Variants in DLGAP2 observed in about 807,000 individuals in gnomAD.
DLGAP2 encodes DLG associated protein 2.
Under a neutral mutation model 100.3 loss-of-function variants are expected in DLGAP2, and 26 were observed. The observed-to-expected ratio is 0.26, with a 90% CI of 0.19 to 0.36. The LOEUF is 0.36. DLGAP2 is among the 10% of genes least tolerant of loss of function. The pLI is 1.00. For synonymous variants in DLGAP2, 886 were observed against 630.1 expected, an observed-to-expected ratio of 1.41 and a Z score of -6.08; for missense variants, 1,858 against 1,453.2, an observed-to-expected ratio of 1.28 and a Z score of -4.53.
At chr8:1,213,323 T>G (rs900891309) in intron 2 of DLGAP2, among the ~76,000 whole-genome samples, 5 of 152,312 alleles carry the variant, frequency 3.3e-5, no homozygotes, top group African/African-American at 9.6e-5. Flanking sequence ...CTAAAAGTTT[T>G]GATCGAGTTT....
chr8:1,298,875 A>G (rs1016693130), intron 3 of DLGAP2, among the ~76,000 whole-genome samples: 3 of 152,156 alleles, frequency 2.0e-5, no homozygotes, highest in South Asian at 2.1e-4. Context: ...CCCATGGGCA[A>G]TAACACAGGC....
chr8:900,350 G>A (rs1458608993), intron 1 of DLGAP2, among the ~76,000 whole-genome samples: 6 of 150,902 alleles, frequency 4.0e-5, no homozygotes, highest in East Asian at 2.0e-4. Flanking sequence ...GACGGTGGGC[G>A]CCCTCCTCTT....
chr8:1,191,767 A>G (rs1401921034), intron 2 of DLGAP2, among the ~76,000 whole-genome samples: 4 of 152,194 alleles, frequency 2.6e-5, no homozygotes, highest in Non-Finnish European at 2.9e-5. Context: ...TCCTTCTTCC[A>G]GGGGTCCTTT....
intron 2 of DLGAP2, among the ~76,000 whole-genome samples, chr8:1,024,416 CG>C (rs1219629090): frequency 1.8e-4 from 28 of 152,022 alleles, no homozygotes; most frequent in South Asian, 6.2e-4. Flanking sequence ...AGTCCCGTGC[CG>C]AGGCAGACAC....
intron 4 of DLGAP2, among the ~76,000 whole-genome samples, chr8:1,538,345 A>G (rs1334305873): frequency 6.6e-6 from 1 of 152,154 alleles, no homozygotes; most frequent in African/African-American, 2.4e-5. Context: ...CCCCAATTTC[A>G]TTATGCCCCC....
At chr8:1,166,032 C>T (rs866557127) in intron 2 of DLGAP2, among the ~76,000 whole-genome samples, 13 of 152,138 alleles carry the variant, frequency 8.5e-5, no homozygotes, top group African/African-American at 1.4e-4. Context: ...AATAATCTCC[C>T]GTCAGTAACC....
At chr8:1,639,784 C>T (rs898424436) in intron 8 of DLGAP2, among the ~76,000 whole-genome samples, 4 of 152,324 alleles carry the variant, frequency 2.6e-5, no homozygotes, top group African/African-American at 9.6e-5. Flanking sequence ...GAGTTCTCTG[C>T]CGTCCTTGGC....
At chr8:790,115 G>A (rs971372757) in intron 1 of DLGAP2, among the ~76,000 whole-genome samples, 1 of 152,176 alleles carries the variant, frequency 6.6e-6, no homozygotes, top group African/African-American at 2.4e-5. Context: ...AAGAATTTGA[G>A]GAGAAAAGGT....
At chr8:978,649 G>C (rs1800236482) in intron 2 of DLGAP2, among the ~76,000 whole-genome samples, 1 of 150,760 alleles carries the variant, frequency 6.6e-6, no homozygotes, top group African/African-American at 2.4e-5. Flanking sequence ...GCAGTGAGAG[G>C]GTGGGTTCTG....
At position 1,549,257 on chromosome 8, in the gene DLGAP2, C is replaced by G. The variant is rs537073910; in HGVS notation, c.804C>G (p.His268Gln). Residue 268 changes from histidine (H) to glutamine (Q), a missense_variant, in exon 5 of 15, where the codon CAC becomes CAG. By Grantham distance (24) the His-to-Gln change is conservative. Transcript: ENST00000637795. The part of the protein sequence containing the change: ...KADGRADDHH[H>Q]AHHAKHSKRS... ...ACGGCCGGGCGGACGACCACCACCA[C>G]GCCCACCACGCCAAGCACAGCAAGA... 1 of 1,610,160 alleles carries G rather than the reference C, an allele frequency of 6.2e-7. No homozygotes were observed. Among genetic ancestry groups the G allele is most frequent in the African/African-American group, 1.3e-5 (1 of 75,032 alleles).
At chr8:1,143,698 G>A (rs904202728) in intron 2 of DLGAP2, among the ~76,000 whole-genome samples, 2 of 152,130 alleles carry the variant, frequency 1.3e-5, no homozygotes, top group South Asian at 2.1e-4. Context: ...GATGCTACAC[G>A]CTGGCCACCC....
intron 1 of DLGAP2, among the ~76,000 whole-genome samples, chr8:870,696 A>T (rs954532060): frequency 6.6e-6 from 1 of 151,880 alleles, no homozygotes; most frequent in Non-Finnish European, 1.5e-5. Flanking sequence ...TCTTGGTGAG[A>T]GATTTCCAGA....
intron 3 of DLGAP2, among the ~76,000 whole-genome samples, chr8:1,267,115 C>A (rs962880258): frequency 3.3e-5 from 5 of 151,582 alleles, no homozygotes; most frequent in African/African-American, 1.2e-4. Flanking sequence ...GCCTGTAGTC[C>A]CAGCTACCCC....
At chr8:1,435,776 A>G (rs2130026796) in intron 3 of DLGAP2, among the ~76,000 whole-genome samples, 1 of 152,060 alleles carries the variant, frequency 6.6e-6, no homozygotes, top group South Asian at 2.1e-4. Flanking sequence ...TAACAGTGGG[A>G]CAGGAAGTGA....
At chr8:958,480 G>A (rs1799646021) in intron 2 of DLGAP2, among the ~76,000 whole-genome samples, 1 of 150,674 alleles carries the variant, frequency 6.6e-6, no homozygotes, top group Admixed American at 6.6e-5. Context: ...CTGTGGGGAT[G>A]AGAGATGGAA....
chr8:988,324 G>A (rs1800546406), intron 2 of DLGAP2, among the ~76,000 whole-genome samples: 1 of 152,166 alleles, frequency 6.6e-6, no homozygotes, highest in African/African-American at 2.4e-5. Context: ...GAATCTAGAA[G>A]TGAAACTGAA....
chr8:1,541,939 G>T (rs1801375131), intron 4 of DLGAP2, among the ~76,000 whole-genome samples: 1 of 152,238 alleles, frequency 6.6e-6, no homozygotes, highest in South Asian at 2.1e-4. Flanking sequence ...GCAAAGAAAA[G>T]AGATGTATAT....
chr8:1,507,432 C>T (rs1013180714), intron 4 of DLGAP2, among the ~76,000 whole-genome samples: 22 of 152,198 alleles, frequency 1.4e-4, no homozygotes, highest in African/African-American at 3.1e-4. Context: ...TGGCGCTGGC[C>T]GGCCGCTCCA....
chr8:1,576,820 C>G (rs970079948), intron 6 of DLGAP2, among the ~76,000 whole-genome samples: 1 of 152,138 alleles, frequency 6.6e-6, no homozygotes, highest in African/African-American at 2.4e-5. Context: ...TTCCATTGGT[C>G]TATATCTCTG....
Sources: gnomAD v4.1 joint callset for allele counts (sites outside exome capture counted in the v4.1 genomes callset) on GRCh38, gnomAD v4.1.1 for gene constraint, MANE v1.5 for transcripts, NCBI Gene and HGNC (gene_info 2026-07-23, HGNC 2026-07-21) for gene names.